Variants in L3MBTL3 observed in about 807,000 individuals in gnomAD.
L3MBTL3 encodes L3MBTL histone methyl-lysine binding protein 3, also known as lethal(3)malignant brain tumor-like protein 3.
Under a neutral mutation model 102.3 loss-of-function variants are expected in L3MBTL3, and 27 were observed. The observed-to-expected ratio is 0.26, with a 90% CI of 0.19 to 0.36. The LOEUF (loss-of-function observed/expected upper bound fraction) is 0.36. L3MBTL3 is among the 10% of genes least tolerant of loss of function. The pLI is 1.00. For synonymous variants in L3MBTL3, 340 were observed against 320.9 expected (o/e 1.06, Z -0.64); for missense variants, 798 against 955.3 (o/e 0.84, Z 2.17).
chr6:130,106,657 G>A (rs1407584450), intron 19 of L3MBTL3, among the ~76,000 whole-genome samples: 1 of 152,080 alleles, frequency 6.6e-6, no homozygotes, highest in Non-Finnish European at 1.5e-5. Context: ...GATTACCATT[G>A]AGGTATGCAG....
intron 10 of L3MBTL3, among the ~76,000 whole-genome samples, chr6:130,061,609 A>G (rs1267937730): frequency 6.6e-6 from 1 of 152,154 alleles, no homozygotes; most frequent in African/African-American, 2.4e-5. Context: ...ACACTCTCAA[A>G]CTTGATCAGA....
chr6:130,069,494 G>A (rs1286085695), intron 12 of L3MBTL3, among the ~76,000 whole-genome samples: 3 of 152,168 alleles, frequency 2.0e-5, no homozygotes, highest in South Asian at 2.1e-4. Context: ...GTGTGCATGC[G>A]TATGTGTGTT....
intron 8 of L3MBTL3, among the ~76,000 whole-genome samples, chr6:130,055,737 G>T (rs2114839432): frequency 6.9e-6 from 1 of 145,506 alleles, no homozygotes; most frequent in African/African-American, 2.5e-5. Flanking sequence ...TCATCAAGTA[G>T]GTGTTTCCTG....
intron 19 of L3MBTL3, among the ~76,000 whole-genome samples, chr6:130,120,210 G>A (rs1019767874): frequency 6.6e-6 from 1 of 152,168 alleles, no homozygotes; most frequent in Non-Finnish European, 1.5e-5. Context: ...TCCCTGAAAC[G>A]TAAGAAAAGT....
rs1045494543 is a variant in L3MBTL3 at position 130,140,693 on chromosome 6, G to C, written c.*940G>C. 3.3e-5 allele frequency: 5 copies of C among 152,188 alleles called. No individual in the cohort carries two copies. Among genetic ancestry groups the C allele is most frequent in the African/African-American group, 1.2e-4 (5 of 41,440 alleles). 9.4% of individuals were successfully genotyped at this position (152,188 alleles called of 1,614,324 possible). On this transcript the variant is annotated 3_prime_UTR_variant, in exon 23 of 23. Coordinates refer to ENST00000361794, the MANE Select transcript of L3MBTL3 (RefSeq NM_032438.4). ...TTGTGGTGGTTTACAGAGACTAAGA[G>C]CTCATTCTGTCAACAGAAACACTAA...
chr6:130,099,324 A>G (rs1784550426), intron 18 of L3MBTL3, among the ~76,000 whole-genome samples: 1 of 152,162 alleles, frequency 6.6e-6, no homozygotes, highest in South Asian at 2.1e-4. Context: ...CCATGACAGA[A>G]CATACACACG....
intron 2 of L3MBTL3, among the ~76,000 whole-genome samples, chr6:130,028,127 G>A (rs1779474414): frequency 6.6e-6 from 1 of 150,494 alleles, no homozygotes; most frequent in African/African-American, 2.5e-5. Flanking sequence ...CTTCTTTAGA[G>A]GAAGTAAGTA....
intron 19 of L3MBTL3, among the ~76,000 whole-genome samples, chr6:130,113,099 G>A (rs1285025048): frequency 3.9e-5 from 6 of 152,216 alleles, no homozygotes; most frequent in Admixed American, 1.3e-4. Flanking sequence ...AACAATATAT[G>A]TGTTTCTCTG....
chr6:130,140,927 C>CT lies in L3MBTL3; in HGVS notation c.*1179dup, dbSNP rs1788215026. 1 of 152,536 alleles carries CT rather than the reference C, an allele frequency of 6.6e-6. No individual in the cohort carries two copies. Among genetic ancestry groups the CT allele is most frequent in the South Asian group, 2.1e-4 (1 of 4,826 alleles). The allele number at this position is 152,536 out of a possible 1,614,324, so 9.4% of individuals were successfully genotyped here. ...AAGAACCTCCGTTTTGGAAGGATTC[C>CT]TTTTTCTGTAGAATACTTTGCCTCG... On this transcript the variant is annotated 3_prime_UTR_variant, in exon 23 of 23. Coordinates refer to ENST00000361794, the MANE Select transcript of L3MBTL3 (RefSeq NM_032438.4).
intron 20 of L3MBTL3, among the ~76,000 whole-genome samples, chr6:130,132,636 C>T (rs17058390): frequency 0.13 from 19,684 of 152,130 alleles, 2,159 homozygotes; most frequent in African/African-American, 0.29. Flanking sequence ...CATAAGGAGA[C>T]GACGATTGAC....
At chr6:130,125,126 A>G in intron 20 of L3MBTL3, among the ~76,000 whole-genome samples, 1 of 152,232 alleles carries the variant, frequency 6.6e-6, no homozygotes, top group East Asian at 1.9e-4. Flanking sequence ...GGGAAGTCCC[A>G]CAAGGGACTG....
At chr6:130,077,131 A>AT (rs1279070747) in intron 13 of L3MBTL3, among the ~76,000 whole-genome samples, 4 of 151,980 alleles carry the variant, frequency 2.6e-5, no homozygotes, top group South Asian at 2.1e-4. Context: ...TATATATGTT[A>AT]TTTTTTCATT....
intron 11 of L3MBTL3, among the ~76,000 whole-genome samples, chr6:130,067,789 A>G (rs567890940): frequency 6.6e-6 from 1 of 152,342 alleles, no homozygotes; most frequent in African/African-American, 2.4e-5. Context: ...TGTTAACTTC[A>G]ATGAAATTGT....
rs1787238998 is a variant in L3MBTL3, at chr6:130,133,089, C to T, written c.1967-363C>T. On this transcript the variant is annotated intron_variant, in intron 20 of 22. Transcript: ENST00000361794. The surrounding 1 kb of genome is among the most constrained non-coding windows in gnomAD (Gnocchi z 4.9). ...AGATGCAACTTGGCTGTTACCTTTA[C>T]AACATCCAAAGCAGAAAGGGGAGCA... Among the ~76,000 whole-genome samples the T allele has an allele frequency of 1.3e-5, 2 of 152,142 alleles. No homozygotes were observed. The highest frequency in any genetic ancestry group is 6.6e-5 in the Admixed American group (1 of 15,264).
chr6:130,112,281 C>T (rs1405249385), intron 19 of L3MBTL3, among the ~76,000 whole-genome samples: 1 of 152,198 alleles, frequency 6.6e-6, no homozygotes, highest in African/African-American at 2.4e-5. Context: ...TGAGCACACT[C>T]CCTTGCGTGC....
chr6:130,051,832 C>T (rs1781116337), intron 6 of L3MBTL3, among the ~76,000 whole-genome samples: 1 of 152,170 alleles, frequency 6.6e-6, no homozygotes, highest in Non-Finnish European at 1.5e-5. Context: ...GATTCGTAAT[C>T]AGCTGAATGG....
At chr6:130,114,235 G>T (rs1333382778) in intron 19 of L3MBTL3, among the ~76,000 whole-genome samples, 2 of 152,170 alleles carry the variant, frequency 1.3e-5, no homozygotes, top group Non-Finnish European at 2.9e-5. Context: ...CAACCACTGT[G>T]ACACCAAGGC....
intron 22 of L3MBTL3, among the ~76,000 whole-genome samples, chr6:130,135,147 C>T (rs34281352): frequency 0.064 from 9,654 of 150,798 alleles, 454 homozygotes; most frequent in Non-Finnish European, 0.1. Context: ...CTGCAACCTC[C>T]GCCTCCTGGC....
chr6:130,107,072 G>A (rs1480734177), intron 19 of L3MBTL3, among the ~76,000 whole-genome samples: 1 of 152,202 alleles, frequency 6.6e-6, no homozygotes, highest in Non-Finnish European at 1.5e-5. Flanking sequence ...CCTGAGATCA[G>A]CCAGGAGTGA....
Sources: gnomAD v4.1 joint callset for allele counts (sites outside exome capture counted in the v4.1 genomes callset) on GRCh38, gnomAD v4.1.1 for gene constraint, Gnocchi (gnomAD v3.1) non-coding constraint, MANE v1.5 for transcripts, NCBI Gene and HGNC (gene_info 2026-07-23, HGNC 2026-07-21) for gene names.